The following SMIM31 variants were observed in gnomAD, a reference collection of about 807,000 sequenced individuals.
SMIM31 encodes the protein small integral membrane protein 31, also known as human epithelial cell program regulator.
At chr4:164,793,908 A>ACATGAGAAAAG (rs1733141722) in intron 2 of SMIM31, among the ~76,000 whole-genome samples, 1 of 152,220 alleles carries the variant, frequency 6.6e-6, no homozygotes, top group South Asian at 2.1e-4. Context: ...CTGGAACAAA[A>ACATGAGAAAAG]CATGAGAAAA....
chr4:164,765,693 C>T (rs1048649774), intron 1 of SMIM31, among the ~76,000 whole-genome samples: 6 of 150,864 alleles, frequency 4.0e-5, no homozygotes, highest in Non-Finnish European at 5.9e-5. Flanking sequence ...TGGTTAGTAG[C>T]CTTTAGACTT....
At chr4:164,774,132 C>G (rs1282414376) in intron 2 of SMIM31, among the ~76,000 whole-genome samples, 1 of 147,648 alleles carries the variant, frequency 6.8e-6, no homozygotes, top group Non-Finnish European at 1.5e-5. Context: ...TGCCACTGCA[C>G]TCCAGCCTGG....
At chr4:164,757,196 G>T (rs915214062) in intron 1 of SMIM31, among the ~76,000 whole-genome samples, 2 of 152,016 alleles carry the variant, frequency 1.3e-5, no homozygotes, top group Non-Finnish European at 2.9e-5. Flanking sequence ...TAGGTTTATT[G>T]GTCATTTGCA....
intron 1 of SMIM31, among the ~76,000 whole-genome samples, chr4:164,760,847 C>G (rs1262617105): frequency 6.6e-6 from 1 of 151,504 alleles, no homozygotes; most frequent in Non-Finnish European, 1.5e-5. Context: ...AGGATTTTAT[C>G]CTGAACAACT....
chr4:164,783,229 A>AC (rs1732981892), intron 2 of SMIM31, among the ~76,000 whole-genome samples: 2 of 144,304 alleles, frequency 1.4e-5, no homozygotes, highest in Non-Finnish European at 3.1e-5. Flanking sequence ...AAAAAAAAAA[A>AC]AAAGGAATTT....
chr4:164,785,536 G>A (rs955408830), intron 2 of SMIM31, among the ~76,000 whole-genome samples: 1 of 151,952 alleles, frequency 6.6e-6, no homozygotes, highest in Non-Finnish European at 1.5e-5. Context: ...AATTATTTAT[G>A]TAGGTACCAA....
intron 1 of SMIM31, among the ~76,000 whole-genome samples, chr4:164,762,638 G>T (rs1732665418): frequency 7.3e-6 from 1 of 137,566 alleles, no homozygotes; most frequent in South Asian, 2.3e-4. Context: ...ACTCCAGTCT[G>T]GGCAACAGAG....
chr4:164,764,471 G>T (rs569404134), intron 1 of SMIM31, among the ~76,000 whole-genome samples: 2 of 151,948 alleles, frequency 1.3e-5, no homozygotes, highest in African/African-American at 4.8e-5. Flanking sequence ...GGAGGCTGAG[G>T]CAGGAGAATT....
chr4:164,785,655 T>C (rs937191876), intron 2 of SMIM31, among the ~76,000 whole-genome samples: 5 of 151,838 alleles, frequency 3.3e-5, no homozygotes, highest in African/African-American at 1.2e-4. Context: ...TGTGTGTATA[T>C]ATATATATAT....
intron 2 of SMIM31, among the ~76,000 whole-genome samples, chr4:164,798,112 T>C (rs959187617): frequency 1.3e-5 from 2 of 152,222 alleles, no homozygotes; most frequent in African/African-American, 4.8e-5. Flanking sequence ...ACATACCACA[T>C]TTTCTTTATC....
intron 2 of SMIM31, among the ~76,000 whole-genome samples, chr4:164,794,747 G>A (rs1733166230): frequency 6.6e-6 from 1 of 152,054 alleles, no homozygotes; most frequent in African/African-American, 2.4e-5. Context: ...GGAGGTTGCA[G>A]TGAGCTGAGA....
intron 1 of SMIM31, among the ~76,000 whole-genome samples, chr4:164,763,049 A>G (rs28638469): frequency 0.13 from 19,723 of 152,170 alleles, 1,525 homozygotes; most frequent in African/African-American, 0.21. Context: ...GACAAAAGAC[A>G]TAAAGAAAAA....
chr4:164,798,926 C>T (rs762084475), intron 2 of SMIM31, among the ~76,000 whole-genome samples: 15 of 152,062 alleles, frequency 9.9e-5, no homozygotes, highest in Non-Finnish European at 1.9e-4. Flanking sequence ...TGGCATCTTA[C>T]CCCTCACCCT....
chr4:164,769,757 A>G (rs79889841), intron 1 of SMIM31, among the ~76,000 whole-genome samples: 1 of 145,204 alleles, frequency 6.9e-6, no homozygotes, highest in South Asian at 2.2e-4. Context: ...AAAAAAAAAA[A>G]CTCCTCTCCA....
chr4:164,782,377 ATTT>A (rs760284575), intron 2 of SMIM31, among the ~76,000 whole-genome samples: 2 of 98,670 alleles, frequency 2.0e-5, no homozygotes, highest in Non-Finnish European at 1.7e-5. Flanking sequence ...TCTTTCTTTT[ATTT>A]TTTTTTTTTT....
At chr4:164,771,874 G>C (rs532042895) in intron 2 of SMIM31, among the ~76,000 whole-genome samples, 3 of 152,122 alleles carry the variant, frequency 2.0e-5, no homozygotes, top group Non-Finnish European at 2.9e-5. Flanking sequence ...TCTCATTTTG[G>C]TGCCTTAAAA....
chr4:164,798,493 G>C (rs899798574), intron 2 of SMIM31, among the ~76,000 whole-genome samples: 1 of 151,674 alleles, frequency 6.6e-6, no homozygotes, highest in African/African-American at 2.4e-5. Flanking sequence ...CGCCCACCTC[G>C]GCCTCCCAAA....
rs183482415 is a variant in SMIM31 at position 164,761,294 on chromosome 4, G to C, written c.-26+6883G>C. ...ATTTAAGAATTCTAGGAAACAAATA[G>C]AACAATTTTCTTGAATTGATTTTTA... On this transcript the variant is annotated intron_variant, in intron 1 of 2. Transcript: ENST00000507311. Among the ~76,000 whole-genome samples, 184 of 152,154 alleles carry C rather than the reference G, an allele frequency of 1.2e-3. No individual in the cohort carries two copies. In the Middle Eastern group the frequency reaches 0.014, roughly 11 times the overall value.
intron 1 of SMIM31, among the ~76,000 whole-genome samples, chr4:164,769,380 A>G (rs776915696): frequency 2.0e-5 from 3 of 152,060 alleles, no homozygotes; most frequent in Admixed American, 6.6e-5. Flanking sequence ...AACCCATTGT[A>G]TCTTCTACCA....
Sources: allele counts gnomAD v4.1 joint callset (sites outside exome capture counted in the v4.1 genomes callset), GRCh38; gene constraint gnomAD v4.1.1; transcripts MANE v1.5; gene names NCBI Gene and HGNC (gene_info 2026-07-23, HGNC 2026-07-21).